The following CACFD1 variants were observed in gnomAD, a reference collection of about 807,000 sequenced individuals.
The protein encoded by CACFD1 is calcium channel flower homolog.
Under a neutral mutation model 21.3 loss-of-function variants are expected in CACFD1, and 26 were observed. The observed-to-expected ratio is 1.22, with a 90% CI of 0.89 to 1.69. CACFD1 has a LOEUF of 1.69. Among genes scored for constraint, CACFD1 ranks in the 40% most tolerant of loss-of-function variants. CACFD1 has a pLI of 0.00. For missense variants in CACFD1, 265 were observed against 236.2 expected (o/e 1.12, Z -0.80); for synonymous variants, 121 against 106.6 (o/e 1.13, Z -0.83).
rs587716823 is a variant in CACFD1 at position 133,469,821 on chromosome 9, C to T, written c.*1168C>T. On this transcript the variant is annotated 3_prime_UTR_variant, in exon 5 of 5. Transcript: ENST00000316948. ...AAGCGGGCGGGTGTGGAAGATATTC[C>T]ATCTGGGGCCAACCCCAGGCTGGGC... 1.3e-5 allele frequency: 2 copies of T among 152,434 alleles called. No homozygotes were observed. Among genetic ancestry groups the T allele is most frequent in the East Asian group, 3.9e-4 (2 of 5,182 alleles). 9.4% of individuals were successfully genotyped at this position (152,434 alleles called of 1,614,324 possible). A position where few individuals can be genotyped will look rare whatever the true frequency, so the allele number is the denominator to read the frequency against.
At chr9:133,462,384 TAGA>T (rs782371627) in intron 1 of CACFD1, among the ~76,000 whole-genome samples, 7 of 152,216 alleles carry the variant, frequency 4.6e-5, no homozygotes, top group Non-Finnish European at 1.0e-4. Context: ...TCCTTTGTTT[TAGA>T]AGGAGACCCT....
chr9:133,466,166 A>G (rs1274933949), intron 3 of CACFD1, among the ~76,000 whole-genome samples: 1 of 152,226 alleles, frequency 6.6e-6, no homozygotes, highest in African/African-American at 2.4e-5. Context: ...TTCTGGAGCC[A>G]TCTTGTGCCA....
chr9:133,467,867 G>A (rs1843500202), intron 3 of CACFD1, 54 bp from the exon 4 acceptor site: 1 of 1,296,598 alleles, frequency 7.7e-7, no homozygotes, highest in Non-Finnish European at 1.1e-6. Context: ...AAGCGGGGAA[G>A]GATGTGGTGG....
intron 1 of CACFD1, chr9:133,462,078 T>C: frequency 1.5e-6 from 2 of 1,301,360 alleles, no homozygotes; most frequent in Non-Finnish European, 2.0e-6. Context: ...CCTTTATTGC[T>C]AAAGGATTCC....
chr9:133,462,785 T>G (rs889408273), intron 1 of CACFD1, among the ~76,000 whole-genome samples: 21 of 152,358 alleles, frequency 1.4e-4, no homozygotes, highest in Admixed American at 5.9e-4. Context: ...AGCCACGTTC[T>G]GGGGTGGAAA....
At chr9:133,460,295 T>TCGGGGGTCTGC in intron 1 of CACFD1, 108 bp downstream of exon 1, 4 of 1,053,926 alleles carry the variant, frequency 3.8e-6, no homozygotes, top group Non-Finnish European at 5.0e-6. Flanking sequence ...CCGCTGGGGG[T>TCGGGGGTCTGC]CGGGGGTCTG....
chr9:133,460,410 G>C (rs1043943490), intron 1 of CACFD1, among the ~76,000 whole-genome samples: 2 of 132,794 alleles, frequency 1.5e-5, no homozygotes, highest in African/African-American at 5.0e-5. Flanking sequence ...ACCCCGGGCT[G>C]GGCTGGGCTG....
chr9:133,465,599 C>T lies in CACFD1; in HGVS notation c.320+152C>T, dbSNP rs1233939046. 30 of 799,994 alleles carry T rather than the reference C, an allele frequency of 3.8e-5. No homozygotes were observed. The highest frequency in any genetic ancestry group is 5.8e-5 in the Non-Finnish European group (30 of 514,404). 49.6% of individuals were successfully genotyped at this position (799,994 alleles called of 1,614,324 possible). A position where few individuals can be genotyped will look rare whatever the true frequency, so the allele number is the denominator to read the frequency against. ...TTGCCTTTGTGCACAGTGATTTGCT[C>T]ATAGCTGCCAAAACGTGCCCCAGTG... On this transcript the variant is annotated intron_variant, in intron 3 of 4. Transcript: ENST00000316948. This position sits in a 1 kb window ranked among gnomAD's most constrained non-coding sequence, Gnocchi z 5.0.
Position 133,460,150 on chromosome 9 carries a change from C to T in CACFD1, c.84C>T (p.Arg28=), listed in dbSNP as rs1044631391. Residue 28 remains arginine, a synonymous_variant, in exon 1 of 5, where the codon CGC becomes CGT. Transcript: ENST00000316948. ...AQEEGMTWWY[R]WLCRLSGVLG... ...AAGAGGGCATGACGTGGTGGTACCG[C>T]TGGCTGTGTCGCCTGTCTGGGGTGC... 3 of 1,559,570 alleles carry T rather than the reference C, an allele frequency of 1.9e-6. No homozygotes were observed. Among genetic ancestry groups the T allele is most frequent in the Non-Finnish European group, 8.7e-7 (1 of 1,151,938 alleles).
chr9:133,461,933 G>C, intron 1 of CACFD1: 1 of 985,420 alleles, frequency 1.0e-6, no homozygotes, highest in Non-Finnish European at 1.2e-6. Flanking sequence ...ATCAGAGAGA[G>C]TACCTGGAGA....
chr9:133,464,146 C>T lies in CACFD1; in HGVS notation c.194+591C>T, dbSNP rs77633224. ...AGGGAAGGCGGGGTGAGGGCAGGCC[C>T]GTGTGGCTTGGGGCACGTGAGAAGT... is the stretch of plus-strand genomic sequence containing the variant. On this transcript the variant is annotated intron_variant, in intron 2 of 4. Transcript: ENST00000316948. 1.9e-3 allele frequency among the ~76,000 whole-genome samples: 285 copies of T among 152,312 alleles called. 2 individuals carry two copies. The East Asian group carries it at 0.024, about 13-fold the overall frequency.
intron 4 of CACFD1, 112 bp from the exon 5 acceptor site, chr9:133,468,451 C>G (rs1588232373): frequency 1.3e-6 from 2 of 1,536,780 alleles, no homozygotes; most frequent in East Asian, 4.9e-5. Context: ...CTGGGGAAAT[C>G]AGAATGCCTG....
rs782387178 is a variant in CACFD1, at chr9:133,460,202, G to T, written c.121+15G>T. ...GGGGGCAGTCTGTGAGTATCCAGTC[G>T]GGGAGAGGGGCCGGCCCCGCCGCGC... On this transcript the variant is annotated intron_variant, in intron 1 of 4. Coordinates refer to ENST00000316948, the MANE Select transcript of CACFD1 (RefSeq NM_017586.5). 1.3e-6 allele frequency: 2 copies of T among 1,523,542 alleles called. No homozygotes were observed. The highest frequency in any genetic ancestry group is 8.8e-7 in the Non-Finnish European group (1 of 1,137,218). The allele number at this position is 1,523,542 out of a possible 1,614,324, so 94.4% of individuals were successfully genotyped here.
At chr9:133,461,418 T>C (rs71503200) in intron 1 of CACFD1, among the ~76,000 whole-genome samples, 127 of 152,336 alleles carry the variant, frequency 8.3e-4, no homozygotes, top group Non-Finnish European at 1.5e-3. Flanking sequence ...GCAAGTACGC[T>C]TTTGACTTTG....
rs925229413 is a variant in CACFD1 at position 133,465,902 on chromosome 9, T to A, written c.320+455T>A. 2 of 157,320 alleles carry A rather than the reference T, an allele frequency of 1.3e-5. No individual in the cohort carries two copies. The highest frequency in any genetic ancestry group is 4.8e-5 in the African/African-American group (2 of 41,512). 9.7% of individuals were successfully genotyped at this position (157,320 alleles called of 1,614,324 possible). On this transcript the variant is annotated intron_variant, in intron 3 of 4. Transcript: ENST00000316948. The surrounding 1 kb of genome is among the most constrained non-coding windows in gnomAD (Gnocchi z 5.0). The stretch of plus-strand genomic sequence containing the variant: ...TGTGGTTGCCCTCTAAATACACTTG[T>A]TAAAAATTTTCCCATTTCTAACAAT...
At chr9:133,464,379 G>C (rs937844324) in intron 2 of CACFD1, among the ~76,000 whole-genome samples, 2 of 152,178 alleles carry the variant, frequency 1.3e-5, no homozygotes, top group Non-Finnish European at 2.9e-5. Context: ...CCAGCTTCAG[G>C]GGGTGGAGTC....
intron 1 of CACFD1, 116 bp from the exon 2 acceptor site, chr9:133,463,367 C>T (rs1843294572): frequency 6.4e-7 from 1 of 1,572,536 alleles, no homozygotes; most frequent in East Asian, 2.3e-5. Flanking sequence ...GCTGTGAGAA[C>T]TGTGTGCTGA....
chr9:133,463,399 C>A, intron 1 of CACFD1, 84 bp from the exon 2 acceptor site: 1 of 1,606,120 alleles, frequency 6.2e-7, no homozygotes, highest in Admixed American at 1.7e-5. Context: ...GACTCTCGTC[C>A]TTTCCAGTCA....
intron 4 of CACFD1, chr9:133,468,323 C>T: frequency 2.6e-6 from 4 of 1,533,466 alleles, no homozygotes; most frequent in Non-Finnish European, 3.5e-6. Flanking sequence ...ACTCAGTTGC[C>T]ACCCTCTCTC....
Sources: allele counts gnomAD v4.1 joint callset (sites outside exome capture counted in the v4.1 genomes callset), GRCh38; gene constraint gnomAD v4.1.1; non-coding constraint Gnocchi (gnomAD v3.1); transcripts MANE v1.5; gene names NCBI Gene and HGNC (gene_info 2026-07-23, HGNC 2026-07-21).